CCDC30: variants seen among roughly 807,000 people sequenced by gnomAD.
CCDC30 encodes coiled-coil domain-containing protein 30.
CCDC30 carries 70 observed loss-of-function variants against 100.2 expected under a neutral mutation model. The ratio of observed to expected loss-of-function variants is 0.70; its 90% confidence interval spans 0.58 to 0.85. The LOEUF is 0.85. CCDC30 is among the 40% of genes least tolerant of loss of function. The pLI is 0.00. For missense variants in CCDC30, 652 were observed against 771.2 expected (o/e 0.85, Z 1.83); for synonymous variants, 233 against 269.5 (o/e 0.86, Z 1.33).
At chr1:42,605,199 T>G (rs945293494) in intron 10 of CCDC30, among the ~76,000 whole-genome samples, 5 of 152,218 alleles carry the variant, frequency 3.3e-5, no homozygotes, top group African/African-American at 1.2e-4. Flanking sequence ...GCCATTTCAG[T>G]GTTGGCACCT....
At chr1:42,611,208 C>T (rs1416023691) in intron 11 of CCDC30, 118 bp downstream of exon 15, 3 of 555,794 alleles carry the variant, frequency 5.4e-6, no homozygotes, top group Non-Finnish European at 9.4e-6. Flanking sequence ...AGAGGGCCAT[C>T]ATAAAATTCC....
At chr1:42,472,331 T>A (rs1264408027) in intron 1 of CCDC30, among the ~76,000 whole-genome samples, 1 of 152,206 alleles carries the variant, frequency 6.6e-6, no homozygotes, top group Non-Finnish European at 1.5e-5. Context: ...TTTCATATAC[T>A]GTCATACTGC....
intron 11 of CCDC30, among the ~76,000 whole-genome samples, chr1:42,627,618 G>A (rs1158755516): frequency 6.6e-6 from 1 of 152,148 alleles, no homozygotes; most frequent in Admixed American, 6.5e-5. Context: ...CCCATACTGT[G>A]TTCAGCCTAG....
At chr1:42,609,627 A>C (rs1369205449) in intron 10 of CCDC30, among the ~76,000 whole-genome samples, 1 of 152,204 alleles carries the variant, frequency 6.6e-6, no homozygotes, top group Non-Finnish European at 1.5e-5. Flanking sequence ...CAGTCCCTAC[A>C]CTTAACCCCA....
At chr1:42,490,532 C>T (rs1202002367) in intron 4 of CCDC30, among the ~76,000 whole-genome samples, 1 of 151,282 alleles carries the variant, frequency 6.6e-6, no homozygotes. Flanking sequence ...ATTGCTGTTG[C>T]TACTACTGTT....
chr1:42,463,266 T>A (rs538597585), upstream of CCDC30: 1 of 152,246 alleles, frequency 6.6e-6, no homozygotes, highest in African/African-American at 2.4e-5. Context: ...CGCGTCTGCG[T>A]CTCTGCGGCG....
chr1:42,559,397 C>T (rs1263337243), intron 6 of CCDC30, among the ~76,000 whole-genome samples: 2 of 152,000 alleles, frequency 1.3e-5, no homozygotes, highest in Admixed American at 1.3e-4. Flanking sequence ...TTCAGGAGAC[C>T]CATCTTATGT....
At position 42,549,573 on chromosome 1, in the gene CCDC30, ATATG is replaced by A. The variant is rs201173835; in HGVS notation, c.457-16719_457-16716del. Among the ~76,000 whole-genome samples the A allele has an allele frequency of 6.2e-3, 951 of 152,284 alleles. 6 individuals carry two copies. The highest frequency in any genetic ancestry group is 0.021 in the African/African-American group (888 of 41,566). ...AAATCGCTTAGGGCACAGTCTCTCTATATGTATAACATGAGAGGTAGGGTGGGAG... is the reference window on the plus strand; with the variant it reads ...AAATCGCTTAGGGCACAGTCTCTCTATATAACATGAGAGGTAGGGTGGGAG... On this transcript the variant is annotated intron_variant, in intron 6 of 16. Coordinates refer to ENST00000668663, the Ensembl canonical transcript of CCDC30.
chr1:42,604,901 T>C (rs1646473795), intron 10 of CCDC30, among the ~76,000 whole-genome samples: 1 of 152,234 alleles, frequency 6.6e-6, no homozygotes, highest in East Asian at 1.9e-4. Context: ...GTCATTTAAA[T>C]TGGGCCTTTG....
chr1:42,581,375 C>T lies in CCDC30; in HGVS notation c.862C>T (p.Arg288Trp), dbSNP rs1034231516. 1.0e-5 allele frequency: 16 copies of T among 1,600,914 alleles called. No individual in the cohort carries two copies. The East Asian group carries it at 1.3e-4, about 13-fold the overall frequency. ...TTCATTCAAGATTTTGGACCTGCAG[C>T]GGAAATTAGAACATGCTCATAAAGT... The change falls in exon 9 of 17, where the codon CGG becomes TGG. Residue 288 changes from arginine to tryptophan, a missense_variant. By Grantham distance (101) the Arg-to-Trp change is moderately radical. Transcript: ENST00000668663.
intron 6 of CCDC30, among the ~76,000 whole-genome samples, chr1:42,528,832 C>G (rs1465433103): frequency 6.6e-6 from 1 of 152,196 alleles, no homozygotes; most frequent in East Asian, 1.9e-4. Flanking sequence ...TAATCTACCT[C>G]CCTCTTTGAC....
At chr1:42,631,952 C>A (rs749075106) in intron 11 of CCDC30, among the ~76,000 whole-genome samples, 25 of 152,088 alleles carry the variant, frequency 1.6e-4, no homozygotes, top group Non-Finnish European at 3.2e-4. Flanking sequence ...ACCCCAAGAG[C>A]CTTCCTGGTG....
intron 6 of CCDC30, among the ~76,000 whole-genome samples, chr1:42,535,944 T>C (rs12568842): frequency 0.14 from 20,457 of 150,558 alleles, 1,529 homozygotes; most frequent in East Asian, 0.19. Context: ...GACTTAGAAT[T>C]CCAGTACTGA....
At chr1:42,581,265 C>T in intron 8 of CCDC30, 95 bp from the exon 13 acceptor site, 1 of 863,024 alleles carries the variant, frequency 1.2e-6, no homozygotes, top group Non-Finnish European at 1.8e-6. Flanking sequence ...AATATGTTAG[C>T]ACTGCTATGT....
chr1:42,637,521 A>C, intron 12 of CCDC30, 143 bp downstream of exon 16: 1 of 758,252 alleles, frequency 1.3e-6, no homozygotes, highest in South Asian at 1.8e-5. Context: ...TCTTTCAATA[A>C]GTAATTCTTT....
At chr1:42,617,887 G>A (rs139803347) in intron 11 of CCDC30, among the ~76,000 whole-genome samples, 2 of 152,174 alleles carry the variant, frequency 1.3e-5, no homozygotes, top group Admixed American at 1.3e-4. Flanking sequence ...CAGGCAAGAA[G>A]GGGGTTTGTT....
In CCDC30 at chr1:42,500,302, A is replaced by G. The variant is rs575331721; in HGVS notation, c.456+1386A>G. ...TGTCTTCTTCAGTTTCGACTTATCG[A>G]ATTTCTCCATCTCAGCCATATCGGG... On this transcript the variant is annotated intron_variant, in intron 6 of 16. Coordinates refer to ENST00000668663, the Ensembl canonical transcript of CCDC30. The G allele has an allele frequency of 3.1e-6, 5 of 1,610,608 alleles. No individual in the cohort carries two copies. In the Admixed American group the frequency reaches 6.7e-5, roughly 21 times the overall value.
At chr1:42,456,117 G>T in the CCDC30 span, 1 of 758,898 alleles carries the variant, frequency 1.3e-6, no homozygotes, top group South Asian at 1.5e-5. Flanking sequence ...AGAGGGCGGC[G>T]GGACGTGACT....
intron 6 of CCDC30, among the ~76,000 whole-genome samples, chr1:42,529,202 G>A (rs972697717): frequency 2.0e-5 from 3 of 152,028 alleles, no homozygotes; most frequent in Non-Finnish European, 4.4e-5. Flanking sequence ...GAGTTGCTGC[G>A]GTGGCTCACG....
Sources: gnomAD v4.1 joint callset for allele counts (sites outside exome capture counted in the v4.1 genomes callset) on GRCh38, gnomAD v4.1.1 for gene constraint, MANE v1.5 for transcripts, NCBI Gene and HGNC (gene_info 2026-07-23, HGNC 2026-07-21) for gene names.